The following PTPRN2 variants were observed in gnomAD, a reference collection of about 807,000 sequenced individuals.
PTPRN2 encodes the protein protein tyrosine phosphatase receptor type N2, also known as receptor-type tyrosine-protein phosphatase N2.
PTPRN2 carries 74 observed loss-of-function variants against 118.8 expected under a neutral mutation model. The ratio of observed to expected loss-of-function variants is 0.62; its 90% CI spans 0.52 to 0.76. PTPRN2 has a LOEUF of 0.76. PTPRN2 is among the 30% of genes least tolerant of loss of function. The pLI is 0.00. For missense variants in PTPRN2, 1,481 were observed against 1,394.4 expected (o/e 1.06, Z -0.99); for synonymous variants, 641 against 608.0 (o/e 1.05, Z -0.80).
intron 2 of PTPRN2, among the ~76,000 whole-genome samples, chr7:158,441,714 TGATGGTGATAGC>T (rs1167333740): frequency 6.9e-6 from 1 of 145,682 alleles, no homozygotes; most frequent in Non-Finnish European, 1.5e-5. Context: ...GCAGTGGTGG[TGATGGTGATAGC>T]GATGGTGATG....
intron 14 of PTPRN2, among the ~76,000 whole-genome samples, chr7:157,631,437 A>C (rs1412699964): frequency 6.6e-6 from 1 of 152,256 alleles, no homozygotes; most frequent in Admixed American, 6.5e-5. Flanking sequence ...CTCACTGAGA[A>C]TTAAGAATCC....
At position 157,987,762 on chromosome 7, in the gene PTPRN2, C is replaced by T. The variant is rs1803919320; in HGVS notation, c.1724-89025G>A. On this transcript the variant is annotated intron_variant, in intron 11 of 22. Transcript: ENST00000389418. This position sits in a 1 kb window ranked among gnomAD's most constrained non-coding sequence, Gnocchi z 4.3. ...TACAGAGCGGATGGGGGACTAAGAA[C>T]ATCCATTCTGCAGAAAGTGGGACAT... is the stretch of plus-strand genomic sequence containing the variant. 1.3e-5 allele frequency among the ~76,000 whole-genome samples: 2 copies of T among 152,296 alleles called. No homozygotes were observed. Among genetic ancestry groups the T allele is most frequent in the Admixed American group, 1.3e-4 (2 of 15,298 alleles).
intron 12 of PTPRN2, among the ~76,000 whole-genome samples, chr7:157,803,613 T>G (rs1020564260): frequency 2.6e-5 from 4 of 152,200 alleles, no homozygotes; most frequent in African/African-American, 7.2e-5. Context: ...TTTTTGTGGA[T>G]GTGAGGTGAG....
intron 2 of PTPRN2, among the ~76,000 whole-genome samples, chr7:158,400,116 T>G (rs1812822797): frequency 6.6e-6 from 1 of 152,240 alleles, no homozygotes; most frequent in African/African-American, 2.4e-5. Context: ...ATGTCATCGT[T>G]AAAGCTGTGC....
Position 158,525,308 on chromosome 7 carries a change from G to C in PTPRN2, c.113-35523C>G, listed in dbSNP as rs138788292. On this transcript the variant is annotated intron_variant, in intron 1 of 22. Coordinates refer to ENST00000389418, the MANE Select transcript of PTPRN2 (RefSeq NM_002847.5). This position sits in a 1 kb window ranked among gnomAD's most constrained non-coding sequence, Gnocchi z 4.1. ...CAAGGAGAACACACGGCCCCCTAAT[G>C]TGCAACAAAACCGTGAGACCCGAGC... Among the ~76,000 whole-genome samples, 745 of 152,294 alleles carry C rather than the reference G, an allele frequency of 4.9e-3. 2 individuals carry two copies. The highest frequency in any genetic ancestry group is 0.017 in the African/African-American group (719 of 41,564).
intron 9 of PTPRN2, among the ~76,000 whole-genome samples, chr7:158,112,247 G>A (rs1180967809): frequency 6.6e-6 from 1 of 152,238 alleles, no homozygotes; most frequent in African/African-American, 2.4e-5. Flanking sequence ...ATGCAGGGCT[G>A]TGGAGGGAAG....
In PTPRN2 at chr7:158,105,271, C is replaced by T. The variant is rs1286738472; in HGVS notation, c.1643+5558G>A. ...CACCCTCAGCTCCATCCCAACTCCA[C>T]TCAGCTCCATCAAACTCCATCCCAA... On this transcript the variant is annotated intron_variant, in intron 10 of 22. Transcript: ENST00000389418. Among the ~76,000 whole-genome samples the T allele has an allele frequency of 4.4e-5, 5 of 112,998 alleles. No individual in the cohort carries two copies. In the East Asian group the frequency reaches 1.1e-3, roughly 26 times the overall value. 74.1% of individuals were successfully genotyped at this position (112,998 alleles called of 152,430 possible).
At chr7:157,835,067 G>A (rs141277800) in intron 12 of PTPRN2, among the ~76,000 whole-genome samples, 21 of 152,324 alleles carry the variant, frequency 1.4e-4, no homozygotes, top group Non-Finnish European at 2.6e-4. Flanking sequence ...CTTTGAGAAT[G>A]AGTGAAGAGG....
chr7:158,161,625 C>T (rs1275075412), intron 6 of PTPRN2, among the ~76,000 whole-genome samples: 1 of 152,196 alleles, frequency 6.6e-6, no homozygotes, highest in African/African-American at 2.4e-5. Flanking sequence ...AACCATAAAA[C>T]TCCTTAAAGG....
At chr7:158,261,823 C>T (rs1364502231) in intron 3 of PTPRN2, among the ~76,000 whole-genome samples, 1 of 152,324 alleles carries the variant, frequency 6.6e-6, no homozygotes, top group East Asian at 1.9e-4. Flanking sequence ...TTTTAGGAAA[C>T]CTGTGTCTGT....
At position 157,824,114 on chromosome 7, in the gene PTPRN2, G is replaced by A. The variant is rs569602510; in HGVS notation, c.1788+74559C>T. On this transcript the variant is annotated intron_variant, in intron 12 of 22. Coordinates refer to ENST00000389418, the MANE Select transcript of PTPRN2 (RefSeq NM_002847.5). ...CCCCCTGAACCCAGCGAGAGCACAC[G>A]GCCCCAGAGCTCAGACCGTCAGTGG... Among the ~76,000 whole-genome samples the A allele has an allele frequency of 5.9e-5, 9 of 152,240 alleles. No individual in the cohort carries two copies. In the South Asian group the frequency reaches 1.2e-3, roughly 21 times the overall value.
chr7:158,512,591 G>A (rs562577025), intron 1 of PTPRN2, among the ~76,000 whole-genome samples: 4 of 152,126 alleles, frequency 2.6e-5, no homozygotes, highest in South Asian at 2.1e-4. Context: ...TTCTCGCTCC[G>A]TCAGCTGACA....
At chr7:158,109,217 G>C (rs1174680020) in intron 10 of PTPRN2, among the ~76,000 whole-genome samples, 2 of 150,466 alleles carry the variant, frequency 1.3e-5, no homozygotes, top group African/African-American at 2.4e-5. Flanking sequence ...GACTCAGTGA[G>C]TGAATGATGT....
intron 2 of PTPRN2, among the ~76,000 whole-genome samples, chr7:158,379,952 T>TC (rs1810840559): frequency 6.6e-6 from 1 of 151,904 alleles, no homozygotes; most frequent in Non-Finnish European, 1.5e-5. Flanking sequence ...ATGGGGAAAC[T>TC]CCCCCTTATA....
intron 2 of PTPRN2, among the ~76,000 whole-genome samples, chr7:158,331,233 CGCAG>C (rs1804364118): frequency 3.1e-5 from 2 of 65,404 alleles, no homozygotes; most frequent in Middle Eastern, 0.011. Context: ...AGCTGACGCC[CGCAG>C]ACGTCACTCA....
intron 2 of PTPRN2, among the ~76,000 whole-genome samples, chr7:158,440,750 CAGT>C (rs1421184312): frequency 1.6e-5 from 2 of 124,752 alleles, no homozygotes; most frequent in Non-Finnish European, 3.2e-5. Context: ...GTGGTGGTGA[CAGT>C]GGTGGTGGTG....
chr7:157,661,765 C>T (rs34079461), intron 13 of PTPRN2, among the ~76,000 whole-genome samples: 56,846 of 152,092 alleles, frequency 0.37, 11,802 homozygotes, highest in Non-Finnish European at 0.49. Context: ...GTGAGAGACG[C>T]GTCCTACTTC....
chr7:158,336,899 C>A (rs1805675131), intron 2 of PTPRN2, among the ~76,000 whole-genome samples: 1 of 104,604 alleles, frequency 9.6e-6, no homozygotes, highest in Non-Finnish European at 2.2e-5. Context: ...CCCACACTCT[C>A]ACCATAAGAT....
intron 12 of PTPRN2, among the ~76,000 whole-genome samples, chr7:157,756,986 C>A (rs1166787656): frequency 1.3e-5 from 2 of 152,140 alleles, no homozygotes; most frequent in African/African-American, 2.4e-5. Flanking sequence ...GCGTGAGGGA[C>A]GGGCCGAAGT....
Sources: gnomAD v4.1 joint callset for allele counts (sites outside exome capture counted in the v4.1 genomes callset) on GRCh38, gnomAD v4.1.1 for gene constraint, Gnocchi (gnomAD v3.1) non-coding constraint, MANE v1.5 for transcripts, NCBI Gene and HGNC (gene_info 2026-07-23, HGNC 2026-07-21) for gene names.